TTC28: variants seen among roughly 807,000 people sequenced by gnomAD.
TTC28 encodes the protein tetratricopeptide repeat protein 28.
TTC28 carries 61 observed loss-of-function variants against 198.0 expected under a neutral mutation model. The observed-to-expected ratio is 0.31, with a 90% CI of 0.25 to 0.38. The LOEUF is 0.38. Among genes scored for constraint, TTC28 ranks in the 10% least tolerant of loss-of-function variants. The pLI, the probability that TTC28 is intolerant of heterozygous loss-of-function variation, is 1.00. For missense variants in TTC28, 2,678 were observed against 3,164.0 expected, an observed-to-expected ratio of 0.85 and a Z score of 3.69; for synonymous variants, 1,171 against 1,297.8, an observed-to-expected ratio of 0.90 and a Z score of 2.10.
chr22:28,229,185 C>T (rs996884522), intron 5 of TTC28, among the ~76,000 whole-genome samples: 5 of 152,054 alleles, frequency 3.3e-5, no homozygotes, highest in Non-Finnish European at 5.9e-5. Context: ...AAACTACACC[C>T]TCTCCAATAG....
intron 2 of TTC28, among the ~76,000 whole-genome samples, chr22:28,508,125 AGCCAACACCCAT>A (rs1418610582): frequency 6.6e-6 from 1 of 152,202 alleles, no homozygotes; most frequent in Non-Finnish European, 1.5e-5. Flanking sequence ...CTAGATAAAG[AGCCAACACCCAT>A]CAGTATGCTG....
chr22:28,027,492 C>G (rs183067322), intron 13 of TTC28, among the ~76,000 whole-genome samples: 1 of 152,318 alleles, frequency 6.6e-6, no homozygotes, highest in Non-Finnish European at 1.5e-5. Flanking sequence ...CTACAGAGGC[C>G]TCATTGCCAA....
At chr22:28,540,253 C>G (rs2049383918) in intron 2 of TTC28, among the ~76,000 whole-genome samples, 1 of 151,884 alleles carries the variant, frequency 6.6e-6, no homozygotes, top group African/African-American at 2.4e-5. Flanking sequence ...GCCCAGGAAG[C>G]TTTACAATCG....
intron 5 of TTC28, among the ~76,000 whole-genome samples, chr22:28,252,140 C>T (rs1264638061): frequency 1.3e-5 from 2 of 152,158 alleles, no homozygotes; most frequent in African/African-American, 4.8e-5. Context: ...CTATCTTATG[C>T]TCCAACTCAT....
At chr22:28,432,330 A>G (rs2047445549) in intron 2 of TTC28, among the ~76,000 whole-genome samples, 1 of 151,800 alleles carries the variant, frequency 6.6e-6, no homozygotes, top group Non-Finnish European at 1.5e-5. Context: ...AAATAAAAAA[A>G]TATAAAATAA....
intron 5 of TTC28, among the ~76,000 whole-genome samples, chr22:28,191,030 A>T (rs1187778621): frequency 6.6e-6 from 1 of 151,998 alleles, no homozygotes; most frequent in East Asian, 1.9e-4. Context: ...GCAAATAACG[A>T]TTTTCACAAT....
chr22:28,224,857 C>G (rs1928168739), intron 5 of TTC28, among the ~76,000 whole-genome samples: 1 of 152,112 alleles, frequency 6.6e-6, no homozygotes, highest in Non-Finnish European at 1.5e-5. Context: ...GGTTTATTTG[C>G]TTAAAACAAC....
chr22:28,322,886 T>C (rs1215047134), intron 2 of TTC28, among the ~76,000 whole-genome samples: 1 of 152,152 alleles, frequency 6.6e-6, no homozygotes, highest in African/African-American at 2.4e-5. Flanking sequence ...CTTTAGAATC[T>C]AGCTGCATTC....
chr22:28,237,656 C>T (rs1053219039), intron 5 of TTC28, among the ~76,000 whole-genome samples: 14 of 152,090 alleles, frequency 9.2e-5, no homozygotes, highest in Non-Finnish European at 1.2e-4. Flanking sequence ...CTTCAAAATA[C>T]ATGAAAAAAT....
At chr22:28,043,664 G>A (rs1939753251) in intron 12 of TTC28, among the ~76,000 whole-genome samples, 1 of 152,104 alleles carries the variant, frequency 6.6e-6, no homozygotes, top group African/African-American at 2.4e-5. Flanking sequence ...GATTTCATGG[G>A]ACTCCTCACC....
At chr22:27,990,716 GC>G (rs1569070198) in intron 20 of TTC28, 72 bp downstream of exon 20, 1 of 1,459,560 alleles carries the variant, frequency 6.9e-7, no homozygotes, top group African/African-American at 1.4e-5. Context: ...CTCAGAGCCT[GC>G]CCAGGGGAAC....
At chr22:28,181,185 T>C (rs1399512773) in intron 5 of TTC28, among the ~76,000 whole-genome samples, 2 of 152,146 alleles carry the variant, frequency 1.3e-5, no homozygotes, top group African/African-American at 2.4e-5. Flanking sequence ...GGAAGAACAA[T>C]ATGTCAGAAA....
intron 2 of TTC28, among the ~76,000 whole-genome samples, chr22:28,419,389 C>T (rs1166586010): frequency 6.6e-6 from 1 of 152,148 alleles, no homozygotes; most frequent in East Asian, 1.9e-4. Flanking sequence ...TTGCATTGAT[C>T]ATCTGATAAG....
intron 2 of TTC28, among the ~76,000 whole-genome samples, chr22:28,444,432 G>C (rs374761132): frequency 6.6e-6 from 1 of 152,128 alleles, no homozygotes; most frequent in African/African-American, 2.4e-5. Context: ...TTAACTCAAA[G>C]GGACTGCTTT....
intron 2 of TTC28, among the ~76,000 whole-genome samples, chr22:28,351,676 G>A (rs994036822): frequency 2.6e-5 from 4 of 152,210 alleles, no homozygotes; most frequent in Non-Finnish European, 5.9e-5. Context: ...GTCTCTGCCT[G>A]AGATAGAAGA....
At chr22:28,385,051 G>A (rs1410620378) in intron 2 of TTC28, among the ~76,000 whole-genome samples, 1 of 149,918 alleles carries the variant, frequency 6.7e-6, no homozygotes, top group Non-Finnish European at 1.5e-5. Context: ...TGAGGCAGAA[G>A]AATTGCCTGA....
chr22:28,629,300 C>G (rs985474965), intron 2 of TTC28: 21 of 444,594 alleles, frequency 4.7e-5, no homozygotes, highest in Non-Finnish European at 6.7e-5. Flanking sequence ...TATCAAGCGG[C>G]ACAGATAAAA....
intron 2 of TTC28, among the ~76,000 whole-genome samples, chr22:28,392,661 T>C (rs776927885): frequency 3.9e-5 from 6 of 152,198 alleles, no homozygotes; most frequent in Non-Finnish European, 8.8e-5. Context: ...CCTGACTCCT[T>C]GCGCTTCCCG....
At chr22:28,656,857 A>G (rs2051665899) in intron 1 of TTC28, among the ~76,000 whole-genome samples, 3 of 152,200 alleles carry the variant, frequency 2.0e-5, no homozygotes, top group Admixed American at 2.0e-4. Context: ...GCACATGTAT[A>G]TAACAAATCT....
Sources: gnomAD v4.1 joint callset for allele counts (sites outside exome capture counted in the v4.1 genomes callset) on GRCh38, gnomAD v4.1.1 for gene constraint, MANE v1.5 for transcripts, NCBI Gene and HGNC (gene_info 2026-07-23, HGNC 2026-07-21) for gene names.